Variants in LPAR6 observed in about 807,000 individuals in gnomAD.
LPAR6 encodes the protein lysophosphatidic acid receptor 6, also known as G-protein coupled purinergic receptor P2Y5.
In LPAR6, 17 loss-of-function variants were observed where a neutral mutation model predicts 22.0. The ratio of observed to expected loss-of-function variants is 0.77; its 90% CI spans 0.53 to 1.16. The LOEUF is 1.16. LPAR6 is among the 50% of genes most tolerant of loss of function. The pLI is 0.00. For missense variants in LPAR6, 384 were observed against 406.9 expected (o/e 0.94, Z 0.48); for synonymous variants, 136 against 139.8 (o/e 0.97, Z 0.19).
At chr13:48,394,404 C>G (rs1413175427) in intron 1 of LPAR6, among the ~76,000 whole-genome samples, 4 of 152,280 alleles carry the variant, frequency 2.6e-5, no homozygotes, top group African/African-American at 9.6e-5. Flanking sequence ...CGAGTTAGAA[C>G]CATTCACTCC....
intron 1 of LPAR6, among the ~76,000 whole-genome samples, chr13:48,424,505 G>T (rs1417681048): frequency 6.6e-6 from 1 of 152,192 alleles, no homozygotes; most frequent in East Asian, 1.9e-4. Flanking sequence ...AGTAGGGAAA[G>T]GAAATCAAGA....
At chr13:48,390,150 A>G (rs893882852) in intron 1 of LPAR6, among the ~76,000 whole-genome samples, 3 of 152,174 alleles carry the variant, frequency 2.0e-5, no homozygotes, top group Non-Finnish European at 4.4e-5. Context: ...CTGCCTCAAA[A>G]ACAAACAAAA....
At chr13:48,437,650 C>T (rs937657497) in intron 1 of LPAR6, among the ~76,000 whole-genome samples, 3 of 152,146 alleles carry the variant, frequency 2.0e-5, no homozygotes, top group African/African-American at 7.2e-5. Flanking sequence ...ATTTTTTTTG[C>T]CATGTGAGCC....
upstream of LPAR6, among the ~76,000 whole-genome samples, chr13:48,430,093 A>G (rs892272503): frequency 3.9e-5 from 6 of 152,132 alleles, no homozygotes; most frequent in African/African-American, 1.4e-4. Context: ...TCCCCTCCTA[A>G]TTTGCATTCT....
At chr13:48,434,154 C>A (rs1160664855) in intron 1 of LPAR6, among the ~76,000 whole-genome samples, 1 of 151,774 alleles carries the variant, frequency 6.6e-6, no homozygotes, top group African/African-American at 2.4e-5. Context: ...TTTTAAAATT[C>A]TTCTTCAATG....
At chr13:48,432,094 G>T (rs975754006) in intron 1 of LPAR6, among the ~76,000 whole-genome samples, 1 of 152,078 alleles carries the variant, frequency 6.6e-6, no homozygotes, top group African/African-American at 2.4e-5. Context: ...GGAAAAAGGG[G>T]GTGGGCTTTT....
chr13:48,390,006 T>G (rs1948599388), intron 1 of LPAR6, among the ~76,000 whole-genome samples: 1 of 151,980 alleles, frequency 6.6e-6, no homozygotes, highest in Non-Finnish European at 1.5e-5. Flanking sequence ...TTTTTAAAAT[T>G]AGCCAGGTGT....
At position 48,411,900 on chromosome 13, in the gene LPAR6, G is replaced by C. The variant is rs1566212016; in HGVS notation, c.524C>G (p.Ala175Gly). ...CCTTGAGAGATATGTTTTCCATGTG[G>C]CTTCTGGAAAATTTTCAAAGCAGGC... The part of the protein sequence containing the change: ...SEACFENFPE[A>G]TWKTYLSRIV... The change falls in exon 1 of 1, where the codon GCC (alanine) becomes GGC (glycine). Residue 175 changes from alanine (A) to glycine (G), a missense_variant. By Grantham distance (60) the Ala-to-Gly change is moderately conservative. Transcript: ENST00000620633. 2 of 1,613,448 alleles carry C rather than the reference G, an allele frequency of 1.2e-6. No individual in the cohort carries two copies. The highest frequency in any genetic ancestry group is 1.7e-6 in the Non-Finnish European group (2 of 1,179,672).
intron 2 of LPAR6, chr13:48,422,637 A>G (rs1240320421): frequency 6.6e-6 from 1 of 152,146 alleles, no homozygotes; most frequent in Non-Finnish European, 1.5e-5. Context: ...TCCATAAAAA[A>G]TTTAAAAATT....
At chr13:48,431,221 T>A (rs949301776), upstream of LPAR6, among the ~76,000 whole-genome samples, 1 of 152,176 alleles carries the variant, frequency 6.6e-6, no homozygotes, top group African/African-American at 2.4e-5. Context: ...TAAAAGTGGT[T>A]CTCAGTTTTA....
At chr13:48,442,858 T>C (rs1949251295) in intron 1 of LPAR6, among the ~76,000 whole-genome samples, 1 of 152,166 alleles carries the variant, frequency 6.6e-6, no homozygotes, top group African/African-American at 2.4e-5. Flanking sequence ...TTTTACATAT[T>C]GCACTTTTCA....
rs368051929 is a variant in LPAR6 at position 48,420,187 on chromosome 13, C to G, written c.-954+2463G>C. ...ATAGCACATCAAAAAGCTTATCCACCACAAACAAGTCGGCTTCATCCCTGG... is the reference window on the plus strand; with the variant it reads ...ATAGCACATCAAAAAGCTTATCCACGACAAACAAGTCGGCTTCATCCCTGG... On this transcript the variant is annotated intron_variant, in intron 2 of 4. Transcript: ENST00000345941. 5.5e-4 allele frequency among the ~76,000 whole-genome samples: 84 copies of G among 152,272 alleles called. 1 individual carries two copies. In the South Asian group the frequency reaches 0.017, roughly 32 times the overall value.
intron 1 of LPAR6, among the ~76,000 whole-genome samples, chr13:48,392,213 C>A (rs148507674): frequency 4.6e-5 from 7 of 152,094 alleles, no homozygotes; most frequent in Admixed American, 4.6e-4. Flanking sequence ...CAGGTTCAAG[C>A]GATTCTTCTG....
intron 1 of LPAR6, among the ~76,000 whole-genome samples, chr13:48,395,267 T>G (rs1948638974): frequency 6.6e-6 from 1 of 151,954 alleles, no homozygotes; most frequent in Non-Finnish European, 1.5e-5. Context: ...AGACCAAAGG[T>G]AGATAAATCC....
At chr13:48,408,441 A>G (rs546690731), downstream of LPAR6, among the ~76,000 whole-genome samples, 1 of 152,258 alleles carries the variant, frequency 6.6e-6, no homozygotes, top group East Asian at 1.9e-4. Flanking sequence ...GGGAAGGAAG[A>G]TTAGTCAAAT....
chr13:48,432,092 G>A (rs984024626), intron 1 of LPAR6, among the ~76,000 whole-genome samples: 1 of 152,148 alleles, frequency 6.6e-6, no homozygotes, highest in Non-Finnish European at 1.5e-5. Flanking sequence ...GAGGAAAAAG[G>A]GGGTGGGCTT....
intron 1 of LPAR6, among the ~76,000 whole-genome samples, chr13:48,436,568 G>T (rs898981780): frequency 2.0e-5 from 3 of 151,984 alleles, no homozygotes; most frequent in African/African-American, 7.2e-5. Flanking sequence ...GCTTGAACCC[G>T]GGAGACGGAG....
chr13:48,438,164 T>C (rs1949202529), intron 1 of LPAR6, among the ~76,000 whole-genome samples: 1 of 152,224 alleles, frequency 6.6e-6, no homozygotes, highest in Non-Finnish European at 1.5e-5. Flanking sequence ...CTATGAAATC[T>C]GTATTTTAGC....
upstream of LPAR6, among the ~76,000 whole-genome samples, chr13:48,430,133 TAG>T (rs903754627): frequency 6.6e-6 from 1 of 152,206 alleles, no homozygotes. Context: ...AGATTATTAT[TAG>T]ACTTTTAACA....
Sources: allele counts gnomAD v4.1 joint callset (sites outside exome capture counted in the v4.1 genomes callset), GRCh38; gene constraint gnomAD v4.1.1; transcripts MANE v1.5; gene names NCBI Gene and HGNC (gene_info 2026-07-23, HGNC 2026-07-21).